MITF: variants seen among roughly 807,000 people sequenced by gnomAD.
MITF encodes the protein microphthalmia-associated transcription factor.
A neutral mutation model predicts 60.5 loss-of-function variants in MITF; 17 were observed. The observed-to-expected ratio is 0.28, with a 90% CI of 0.19 to 0.42. The LOEUF is 0.42. Ranked by LOEUF, MITF falls within the 10% of genes least tolerant of loss-of-function variation. The probability of loss-of-function intolerance (pLI) is 1.00; values close to 1 mark genes in which losing one functional copy is unlikely to be tolerated. For missense variants in MITF, 622 were observed against 683.5 expected, an observed-to-expected ratio of 0.91 and a Z score of 1.00; for synonymous variants, 260 against 248.5, an observed-to-expected ratio of 1.05 and a Z score of -0.43.
intron 2 of MITF, among the ~76,000 whole-genome samples, chr3:69,881,388 T>C (rs1003001270): frequency 1.3e-5 from 2 of 152,116 alleles, no homozygotes; most frequent in Non-Finnish European, 2.9e-5. Flanking sequence ...ATTATTGCCA[T>C]AGCTATATGG....
chr3:69,828,874 T>C (rs896644435), intron 1 of MITF, among the ~76,000 whole-genome samples: 6 of 130,170 alleles, frequency 4.6e-5, no homozygotes, highest in African/African-American at 1.6e-4. Context: ...GAAGCAGAGC[T>C]TTATTTTTTT....
At chr3:69,935,645 T>C (rs2065816254) in intron 2 of MITF, among the ~76,000 whole-genome samples, 2 of 152,190 alleles carry the variant, frequency 1.3e-5, no homozygotes, top group Non-Finnish European at 2.9e-5. Flanking sequence ...AACTTCAAAT[T>C]TTTAGCTTAA....
intron 1 of MITF, among the ~76,000 whole-genome samples, chr3:69,767,478 G>A (rs1487398406): frequency 6.6e-6 from 1 of 152,058 alleles, no homozygotes; most frequent in Non-Finnish European, 1.5e-5. Flanking sequence ...CCAGCTACTT[G>A]GGAGGCTGAG....
Position 69,739,511 on chromosome 3 carries a change from C to A in MITF, c.-87C>A. 1 of 1,266,394 alleles carries A rather than the reference C, an allele frequency of 7.9e-7. No individual in the cohort carries two copies. Among genetic ancestry groups the A allele is most frequent in the Non-Finnish European group, 1.1e-6 (1 of 889,328 alleles). 78.4% of individuals were successfully genotyped at this position (1,266,394 alleles called of 1,614,324 possible). On this transcript the variant is annotated 5_prime_UTR_variant, in exon 1 of 10. Coordinates refer to ENST00000352241, the MANE Select transcript of MITF (RefSeq NM_001354604.2). Reference sequence around the variant, plus strand: ...CTCGGCACTGCGCCGGGGCGCACGGCTCGGGGGACCCAGGCCCAGCTACCT... The same window carrying A: ...CTCGGCACTGCGCCGGGGCGCACGGATCGGGGGACCCAGGCCCAGCTACCT...
intron 1 of MITF, among the ~76,000 whole-genome samples, chr3:69,842,251 C>T (rs1364696537): frequency 6.6e-6 from 1 of 151,910 alleles, no homozygotes; most frequent in Admixed American, 6.6e-5. Context: ...AGACAACACA[C>T]GATGTATAGG....
intron 2 of MITF, among the ~76,000 whole-genome samples, chr3:69,900,102 G>A (rs1041322499): frequency 6.6e-6 from 1 of 152,056 alleles, no homozygotes; most frequent in South Asian, 2.1e-4. Context: ...GATTTCTGCC[G>A]AGTGGGAGGG....
At chr3:69,959,206 T>C (rs2066477760) in intron 8 of MITF, 67 bp from the exon 9 acceptor site, 9 of 1,580,388 alleles carry the variant, frequency 5.7e-6, no homozygotes, top group Non-Finnish European at 7.8e-6. Flanking sequence ...ATGGAGTGCT[T>C]TGAATATTGA....
At chr3:69,920,530 G>T (rs2065442263) in intron 2 of MITF, among the ~76,000 whole-genome samples, 1 of 152,146 alleles carries the variant, frequency 6.6e-6, no homozygotes, top group South Asian at 2.1e-4. Flanking sequence ...AGTAATAATA[G>T]TCTCTGATAT....
chr3:69,900,336 G>C (rs1432966834), intron 2 of MITF, among the ~76,000 whole-genome samples: 1 of 152,118 alleles, frequency 6.6e-6, no homozygotes, highest in Non-Finnish European at 1.5e-5. Context: ...ATTTCCCTGT[G>C]GTTCTTGCCT....
chr3:69,931,012 G>C (rs1308460706), intron 2 of MITF, among the ~76,000 whole-genome samples: 2 of 152,208 alleles, frequency 1.3e-5, no homozygotes, highest in Admixed American at 6.5e-5. Flanking sequence ...AAAAGCAAAA[G>C]AAAACTGTGT....
intron 1 of MITF, among the ~76,000 whole-genome samples, chr3:69,776,821 T>C (rs974022934): frequency 6.6e-6 from 1 of 152,224 alleles, no homozygotes; most frequent in South Asian, 2.1e-4. Flanking sequence ...GCAAAGACTT[T>C]TCTTGTAATT....
chr3:69,899,473 C>T (rs907778694), intron 2 of MITF, among the ~76,000 whole-genome samples: 1 of 152,160 alleles, frequency 6.6e-6, no homozygotes, highest in Non-Finnish European at 1.5e-5. Context: ...CTAGGGGAGC[C>T]ACACCTGGGT....
chr3:69,828,009 A>G (rs539349735), intron 1 of MITF, among the ~76,000 whole-genome samples: 8 of 152,344 alleles, frequency 5.3e-5, no homozygotes, highest in South Asian at 2.1e-4. Context: ...TTCTGCGTCT[A>G]TACAATTCTT....
At chr3:69,878,536 C>T (rs909401791) in intron 1 of MITF, among the ~76,000 whole-genome samples, 1 of 152,118 alleles carries the variant, frequency 6.6e-6, no homozygotes, top group Non-Finnish European at 1.5e-5. Context: ...TCTTCTGCCC[C>T]CTTACCCAAA....
chr3:69,934,272 A>G (rs1463444996), intron 2 of MITF, among the ~76,000 whole-genome samples: 1 of 152,214 alleles, frequency 6.6e-6, no homozygotes, highest in East Asian at 1.9e-4. Context: ...CCAGTAAACA[A>G]TAGAGTTTTC....
chr3:69,846,906 G>A (rs1188799377), intron 1 of MITF, among the ~76,000 whole-genome samples: 3 of 151,560 alleles, frequency 2.0e-5, no homozygotes, highest in Non-Finnish European at 4.4e-5. Context: ...TTAATGACAA[G>A]GAAGATGCCT....
chr3:69,880,354 AC>A (rs991317347), intron 2 of MITF, among the ~76,000 whole-genome samples: 1 of 152,146 alleles, frequency 6.6e-6, no homozygotes, highest in Non-Finnish European at 1.5e-5. Flanking sequence ...CAATCTGTGA[AC>A]CTTACCAGGA....
Position 69,937,930 on chromosome 3 carries a change from G to C in MITF, c.463G>C (p.Val155Leu). Reference sequence around the variant, plus strand: ...TTTAGCAAATAAACATGCCAACCAAGTCCTGAGCTTGCCATGTCCAAACCA... The same window carrying C: ...TTTAGCAAATAAACATGCCAACCAACTCCTGAGCTTGCCATGTCCAAACCA... ...TTLANKHANQ[V>L]LSLPCPNQPG... Residue 155 changes from valine to leucine, a missense_variant, in exon 3 of 10, where the codon GTC becomes CTC. Transcript: ENST00000352241. 1 of 1,614,124 alleles carries C rather than the reference G, an allele frequency of 6.2e-7. No individual in the cohort carries two copies. Among genetic ancestry groups the C allele is most frequent in the Non-Finnish European group, 8.5e-7 (1 of 1,180,002 alleles).
chr3:69,845,210 A>C (rs553306363), intron 1 of MITF, among the ~76,000 whole-genome samples: 1 of 152,150 alleles, frequency 6.6e-6, no homozygotes, highest in South Asian at 2.1e-4. Flanking sequence ...GTGCTTTTTC[A>C]TAAATTGCTT....
Sources: allele counts gnomAD v4.1 joint callset (sites outside exome capture counted in the v4.1 genomes callset), GRCh38; gene constraint gnomAD v4.1.1; transcripts MANE v1.5; gene names NCBI Gene and HGNC (gene_info 2026-07-23, HGNC 2026-07-21).